Variants in ENPP3 observed in about 807,000 individuals in gnomAD.
ENPP3 encodes ectonucleotide pyrophosphatase/phosphodiesterase family member 3.
Under a neutral mutation model 117.8 loss-of-function variants are expected in ENPP3, and 104 were observed. The ratio of observed to expected loss-of-function variants is 0.88; its 90% confidence interval spans 0.75 to 1.04. The LOEUF is 1.04. Among genes scored for constraint, ENPP3 ranks in the 50% least tolerant of loss-of-function variants. The probability of loss-of-function intolerance (pLI) is 0.00; values close to 1 mark genes in which losing one functional copy is unlikely to be tolerated. For missense variants in ENPP3, 1,026 were observed against 1,051.9 expected (o/e 0.98, Z 0.34); for synonymous variants, 380 against 349.9 (o/e 1.09, Z -0.96).
intron 23 of ENPP3, among the ~76,000 whole-genome samples, chr6:131,739,745 T>A (rs1780485945): frequency 6.6e-6 from 1 of 151,948 alleles, no homozygotes; most frequent in Non-Finnish European, 1.5e-5. Context: ...TTTTACTATA[T>A]TTTTACTTTG....
intron 8 of ENPP3, 166 bp downstream of exon 8, chr6:131,674,447 C>T: frequency 1.5e-6 from 1 of 678,186 alleles, no homozygotes; most frequent in Non-Finnish European, 2.6e-6. Context: ...ATTTTTAAAA[C>T]ATTTATGGTT....
chr6:131,651,672 G>A (rs150186719), intron 3 of ENPP3, among the ~76,000 whole-genome samples: 5 of 152,268 alleles, frequency 3.3e-5, no homozygotes, highest in East Asian at 1.9e-4. Context: ...TGGTGGGGGG[G>A]TGTCCAGTGG....
chr6:131,667,232 C>T (rs941395996), intron 6 of ENPP3, among the ~76,000 whole-genome samples: 2 of 151,622 alleles, frequency 1.3e-5, no homozygotes, highest in African/African-American at 4.9e-5. Context: ...GTTTTTTTCT[C>T]ACTGGCCCCC....
rs1272197984 is a variant in ENPP3 at position 131,675,105 on chromosome 6, G to T, written c.788G>T (p.Gly263Val). 1.2e-6 allele frequency: 2 copies of T among 1,613,616 alleles called. No individual in the cohort carries two copies. The highest frequency in any genetic ancestry group is 1.7e-5 in the Admixed American group (1 of 59,992). The change falls in exon 9 of 25, where the codon GGT (glycine) becomes GTT (valine). Residue 263 changes from glycine (G) to valine (V), a missense_variant. Gly to Val is a moderately radical substitution (Grantham distance 109, BLOSUM62 -3). Transcript: ENST00000357639. ...ATGTGGCTGACAGCAATGTATCAAG[G>T]TTTAAAAGCCGCTACCTACTTTTGG... ...QPMWLTAMYQ[G>V]LKAATYFWPG...
In ENPP3 at chr6:131,737,385, A is replaced by G; in HGVS notation, c.2120A>G (p.Asp707Gly). Residue 707 changes from aspartate (D) to glycine (G), a missense_variant, in exon 22 of 25, where the codon GAT becomes GGT. Asp to Gly is a moderately conservative substitution (Grantham distance 94, BLOSUM62 -1). Transcript: ENST00000357639. Reference protein sequence around the residue: ...ASNRTSDSQYDALITSNLVPM... With the variant: ...ASNRTSDSQYGALITSNLVPM... Reference sequence around the variant, plus strand: ...AATAGAACATCAGATAGCCAATATGATGCTTTAATTACTAGCAATTTGGTA... The same window carrying G: ...AATAGAACATCAGATAGCCAATATGGTGCTTTAATTACTAGCAATTTGGTA... 6.2e-7 allele frequency: 1 copy of G among 1,609,182 alleles called. No individual in the cohort carries two copies. Among genetic ancestry groups the G allele is most frequent in the Non-Finnish European group, 8.5e-7 (1 of 1,176,450 alleles).
At chr6:131,745,264 A>T (rs79213182) in intron 24 of ENPP3, among the ~76,000 whole-genome samples, 3 of 146,326 alleles carry the variant, frequency 2.1e-5, no homozygotes, top group Non-Finnish European at 4.5e-5. Flanking sequence ...AACATGGCGC[A>T]TTTTTTTTTT....
intron 5 of ENPP3, among the ~76,000 whole-genome samples, chr6:131,654,124 ATT>A (rs906207361): frequency 4.1e-5 from 6 of 148,110 alleles, no homozygotes; most frequent in Non-Finnish European, 7.5e-5. Flanking sequence ...TATTATTATT[ATT>A]ATTATTATTA....
At chr6:131,700,781 C>T (rs757321515) in intron 15 of ENPP3, 10 of 1,484,704 alleles carry the variant, frequency 6.7e-6, no homozygotes, top group South Asian at 6.1e-5. Flanking sequence ...ACAAGGGTCC[C>T]ACCAGCCCAG....
In ENPP3 at chr6:131,724,058, G is replaced by C; in HGVS notation, c.1765G>C (p.Val589Leu). 7 of 1,612,448 alleles carry C rather than the reference G, an allele frequency of 4.3e-6. No individual in the cohort carries two copies. Reference protein sequence around the residue: ...HLQNSTQLEQVNQMLNLTQEE... With the variant: ...HLQNSTQLEQLNQMLNLTQEE... ...CTTGCAGAGTACTCAGCTGGAACAA[G>C]TGAATCAGATGCTAAATCTCACCCA... The change falls in exon 19 of 25, where the codon GTG becomes CTG. Residue 589 changes from valine (V) to leucine (L), a missense_variant. Coordinates refer to ENST00000357639, the MANE Select transcript of ENPP3 (RefSeq NM_005021.5).
intron 20 of ENPP3, among the ~76,000 whole-genome samples, chr6:131,727,319 G>T (rs2114544491): frequency 6.6e-6 from 1 of 152,234 alleles, no homozygotes; most frequent in East Asian, 1.9e-4. Context: ...ACTTTGGGAG[G>T]CCGAGGCAGG....
At chr6:131,678,163 A>G (rs920782458) in intron 11 of ENPP3, among the ~76,000 whole-genome samples, 2 of 152,204 alleles carry the variant, frequency 1.3e-5, no homozygotes, top group Non-Finnish European at 2.9e-5. Flanking sequence ...CTTATTAACT[A>G]TATATTGAAT....
chr6:131,657,965 C>T (rs1256523381), intron 5 of ENPP3, among the ~76,000 whole-genome samples: 2 of 151,860 alleles, frequency 1.3e-5, no homozygotes, highest in Admixed American at 6.6e-5. Context: ...GAGTGGGAGA[C>T]CAGCCTGGCC....
chr6:131,710,312 CTTTCCA>C (rs1779753329), intron 15 of ENPP3: 1 of 1,560,426 alleles, frequency 6.4e-7, no homozygotes, highest in Non-Finnish European at 8.7e-7. Context: ...CTCACTTGTC[CTTTCCA>C]TACTTCAGCT....
intron 15 of ENPP3, among the ~76,000 whole-genome samples, chr6:131,694,858 GAAAGAAAGGA>G (rs58182629): frequency 0.11 from 15,743 of 145,884 alleles, 1,187 homozygotes; most frequent in East Asian, 0.32. Flanking sequence ...AAAAAAAAAG[GAAAGAAAGGA>G]AAAGAAAGGA....
chr6:131,701,775 G>A (rs1370063242), intron 15 of ENPP3, among the ~76,000 whole-genome samples: 2 of 150,802 alleles, frequency 1.3e-5, no homozygotes, highest in African/African-American at 4.9e-5. Context: ...CCAGCTACTC[G>A]GGAGGCTGAG....
At position 131,722,115 on chromosome 6, in the gene ENPP3, A is replaced by G. The variant is rs73777789; in HGVS notation, c.1568-112A>G. 3.8e-3 allele frequency: 2,773 copies of G among 721,322 alleles called. 39 individuals carry two copies. Among genetic ancestry groups the G allele is most frequent in the African/African-American group, 0.033 (1,851 of 56,156 alleles). The allele number at this position is 721,322 out of a possible 1,614,324, so 44.7% of individuals were successfully genotyped here. On this transcript the variant is annotated intron_variant, in intron 17 of 24. Coordinates refer to ENST00000357639, the MANE Select transcript of ENPP3 (RefSeq NM_005021.5). ...ATAGAGTACATAGCTTCGTTACAGC[A>G]GAATTTATTAAAGGGAGTGAAAGAG... is the stretch of plus-strand genomic sequence containing the variant.
At chr6:131,639,019 A>C (rs1350909081) in intron 1 of ENPP3, among the ~76,000 whole-genome samples, 1 of 151,688 alleles carries the variant, frequency 6.6e-6, no homozygotes, top group Non-Finnish European at 1.5e-5. Flanking sequence ...AACTAATTGC[A>C]TTATTTTTTC....
chr6:131,710,169 A>AAGG, intron 15 of ENPP3: 1 of 1,613,440 alleles, frequency 6.2e-7, no homozygotes, highest in Non-Finnish European at 8.5e-7. Flanking sequence ...TGTCTTCTTC[A>AAGG]AGCACAGCAG....
chr6:131,696,260 AG>A (rs1779402684), intron 15 of ENPP3, among the ~76,000 whole-genome samples: 1 of 152,236 alleles, frequency 6.6e-6, no homozygotes, highest in Admixed American at 6.5e-5. Flanking sequence ...AATAAATTTC[AG>A]GCACCTTTTT....
Sources: gnomAD v4.1 joint callset for allele counts (sites outside exome capture counted in the v4.1 genomes callset) on GRCh38, gnomAD v4.1.1 for gene constraint, MANE v1.5 for transcripts, NCBI Gene and HGNC (gene_info 2026-07-23, HGNC 2026-07-21) for gene names.